RALGPS2: variants seen among roughly 807,000 people sequenced by gnomAD.
The protein encoded by RALGPS2 is ras-specific guanine nucleotide-releasing factor RalGPS2.
A neutral mutation model predicts 86.8 loss-of-function variants in RALGPS2; 43 were observed. That is an observed-to-expected ratio of 0.50 (90% CI 0.39 to 0.64). The LOEUF is 0.64. Among genes scored for constraint, RALGPS2 ranks in the 30% least tolerant of loss-of-function variants. The pLI is 0.00. For missense variants in RALGPS2, 536 were observed against 694.6 expected, an observed-to-expected ratio of 0.77 and a Z score of 2.57; for synonymous variants, 243 against 231.3, an observed-to-expected ratio of 1.05 and a Z score of -0.46.
chr1:178,886,873 G>A (rs1370828162), intron 13 of RALGPS2, among the ~76,000 whole-genome samples: 1 of 152,168 alleles, frequency 6.6e-6, no homozygotes, highest in African/African-American at 2.4e-5. Flanking sequence ...CAGAACAAGA[G>A]AGCTAAGATG....
intron 7 of RALGPS2, among the ~76,000 whole-genome samples, chr1:178,830,796 A>G (rs746494149): frequency 1.3e-4 from 20 of 152,316 alleles, no homozygotes; most frequent in South Asian, 2.1e-4. Context: ...GATACCTTAA[A>G]ATGGAAAAGA....
intron 1 of RALGPS2, among the ~76,000 whole-genome samples, chr1:178,749,902 C>T (rs2011732978): frequency 6.6e-6 from 1 of 152,090 alleles, no homozygotes; most frequent in South Asian, 2.1e-4. Flanking sequence ...CAAGACCAGC[C>T]TGGGCAGTGT....
chr1:178,891,775 G>T (rs1392433741), intron 14 of RALGPS2, among the ~76,000 whole-genome samples: 1 of 151,910 alleles, frequency 6.6e-6, no homozygotes, highest in African/African-American at 2.4e-5. Flanking sequence ...TTCCTCATGA[G>T]TTTACAAGCC....
intron 19 of RALGPS2, among the ~76,000 whole-genome samples, chr1:178,910,792 A>G (rs970592607): frequency 6.6e-6 from 1 of 151,918 alleles, no homozygotes; most frequent in Non-Finnish European, 1.5e-5. Context: ...GTTAGGGAGG[A>G]GTCTTTTCTT....
intron 10 of RALGPS2, among the ~76,000 whole-genome samples, chr1:178,881,472 C>T (rs928411893): frequency 1.2e-4 from 19 of 152,124 alleles, no homozygotes; most frequent in Non-Finnish European, 1.9e-4. Flanking sequence ...TTCTTGGAGA[C>T]GGAATCTCAC....
intron 1 of RALGPS2, among the ~76,000 whole-genome samples, chr1:178,773,307 A>G (rs10798632): frequency 0.89 from 134,920 of 152,030 alleles, 60,132 homozygotes; most frequent in African/African-American, 0.97. Context: ...ATTGTGCCAC[A>G]TGCTCCAGCC....
At chr1:178,836,785 A>G (rs1019134700) in intron 8 of RALGPS2, among the ~76,000 whole-genome samples, 1 of 149,410 alleles carries the variant, frequency 6.7e-6, no homozygotes, top group East Asian at 2.0e-4. Flanking sequence ...TCTTTTTTTT[A>G]TTTTTATTTT....
intron 8 of RALGPS2, among the ~76,000 whole-genome samples, chr1:178,860,319 A>G (rs1335209496): frequency 1.3e-5 from 2 of 152,156 alleles, no homozygotes; most frequent in African/African-American, 4.8e-5. Flanking sequence ...GAAGAAGGTA[A>G]TGTGTTTGAA....
intron 13 of RALGPS2, among the ~76,000 whole-genome samples, chr1:178,887,013 G>GA (rs1233851775): frequency 6.6e-6 from 1 of 152,162 alleles, no homozygotes; most frequent in Non-Finnish European, 1.5e-5. Flanking sequence ...TGAGGAAACA[G>GA]AGATAGCTAC....
At chr1:178,846,684 T>TA (rs1371415675) in intron 8 of RALGPS2, among the ~76,000 whole-genome samples, 2 of 152,166 alleles carry the variant, frequency 1.3e-5, no homozygotes, top group East Asian at 1.9e-4. Context: ...CTTGTCTTTC[T>TA]AAAAAAATAA....
intron 4 of RALGPS2, among the ~76,000 whole-genome samples, chr1:178,792,442 C>G (rs1190265425): frequency 1.3e-5 from 2 of 152,124 alleles, no homozygotes; most frequent in Non-Finnish European, 2.9e-5. Context: ...TTTCTCCTGT[C>G]AACTCTGAAG....
chr1:178,856,162 T>C (rs1217111993), intron 8 of RALGPS2, among the ~76,000 whole-genome samples: 1 of 144,410 alleles, frequency 6.9e-6, no homozygotes, highest in Non-Finnish European at 1.5e-5. Flanking sequence ...TTGTTGAAAT[T>C]TTGAGAACTG....
intron 19 of RALGPS2, among the ~76,000 whole-genome samples, chr1:178,908,287 T>C (rs1042229188): frequency 3.3e-5 from 5 of 152,250 alleles, no homozygotes; most frequent in African/African-American, 1.2e-4. Flanking sequence ...AATCACTGTG[T>C]AGTATTCCAT....
rs6665209 is a variant in RALGPS2, at chr1:178,776,944, T to C, written c.57+123T>C. 2,447 of 723,694 alleles carry C rather than the reference T, an allele frequency of 3.4e-3. 36 individuals are homozygous for C. In the African/African-American group the frequency reaches 0.037, roughly 11 times the overall value. The allele number at this position is 723,694 out of a possible 1,614,324, so 44.8% of individuals were successfully genotyped here. The stretch of plus-strand genomic sequence containing the variant: ...TAGTGCAGAAATACACATTTCCTTT[T>C]TTTTTAAATTTTATTTTTTTTTATA... On this transcript the variant is annotated intron_variant, in intron 2 of 19. Coordinates refer to ENST00000367635, the MANE Select transcript of RALGPS2 (RefSeq NM_152663.5).
intron 4 of RALGPS2, among the ~76,000 whole-genome samples, chr1:178,792,020 A>G (rs894860674): frequency 1.3e-5 from 2 of 152,246 alleles, no homozygotes. Flanking sequence ...GTAAAATCAC[A>G]TCTTTAAAAG....
chr1:178,809,364 G>T (rs1294635286), intron 5 of RALGPS2, among the ~76,000 whole-genome samples: 1 of 151,732 alleles, frequency 6.6e-6, no homozygotes, highest in African/African-American at 2.4e-5. Context: ...TTATGTCTTT[G>T]AAGGAGCATT....
In RALGPS2 at chr1:178,752,669, AATC is replaced by A. The variant is rs556281942; in HGVS notation, c.-83-24012_-83-24010del. ...AATGTGAATAAGTATAAATTATTTC[AATC>A]TTCTTAGAATCATTAAAGGTCTGAA... On this transcript the variant is annotated intron_variant, in intron 1 of 19. Transcript: ENST00000367635. 3.1e-3 allele frequency among the ~76,000 whole-genome samples: 473 copies of A among 152,322 alleles called. 1 individual carries two copies. Among genetic ancestry groups the A allele is most frequent in the Non-Finnish European group, 4.6e-3 (314 of 68,026 alleles).
chr1:178,837,936 A>C (rs116232961), intron 8 of RALGPS2, among the ~76,000 whole-genome samples: 4,386 of 152,240 alleles, frequency 0.029, 209 homozygotes, highest in African/African-American at 0.1. Context: ...CATTGCTAGC[A>C]CAGCCATCTG....
chr1:178,850,916 ATAAC>A (rs1230480601), intron 8 of RALGPS2: 1 of 397,158 alleles, frequency 2.5e-6, no homozygotes, highest in Non-Finnish European at 4.4e-6. Flanking sequence ...AATTTTTAAA[ATAAC>A]TAGGTTGTGG....
Sources: allele counts gnomAD v4.1 joint callset (sites outside exome capture counted in the v4.1 genomes callset), GRCh38; gene constraint gnomAD v4.1.1; transcripts MANE v1.5; gene names NCBI Gene and HGNC (gene_info 2026-07-23, HGNC 2026-07-21).